Variants in PRKD1 observed in about 807,000 individuals in gnomAD.
The protein encoded by PRKD1 is protein kinase D1.
In PRKD1, 63 loss-of-function variants were observed where a neutral mutation model predicts 95.9. That is an observed-to-expected ratio of 0.66 (90% CI 0.54 to 0.81). The LOEUF is 0.81. Among genes scored for constraint, PRKD1 ranks in the 30% least tolerant of loss-of-function variants. The probability of loss-of-function intolerance (pLI) is 0.00; values close to 1 mark genes in which losing one functional copy is unlikely to be tolerated. For synonymous variants in PRKD1, 425 were observed against 423.1 expected (o/e 1.00, Z -0.05); for missense variants, 1,048 against 1,165.3 (o/e 0.90, Z 1.47).
intron 1 of PRKD1, among the ~76,000 whole-genome samples, chr14:29,842,736 A>T (rs908039386): frequency 1.3e-5 from 2 of 152,296 alleles, no homozygotes; most frequent in Non-Finnish European, 2.9e-5. Flanking sequence ...CAGTTGACAC[A>T]TGTTAGCCTC....
chr14:29,593,367 C>T (rs1228117659), intron 16 of PRKD1, among the ~76,000 whole-genome samples: 2 of 152,122 alleles, frequency 1.3e-5, no homozygotes, highest in Non-Finnish European at 2.9e-5. Flanking sequence ...TCTGTTAATG[C>T]TTTTGTGATT....
intron 1 of PRKD1, among the ~76,000 whole-genome samples, chr14:29,810,836 T>C (rs751525093): frequency 6.6e-5 from 10 of 152,232 alleles, no homozygotes; most frequent in Non-Finnish European, 8.8e-5. Flanking sequence ...CATTTGGAAC[T>C]GGTTATTGCC....
At chr14:29,877,378 T>C (rs1893339203) in intron 1 of PRKD1, among the ~76,000 whole-genome samples, 2 of 152,228 alleles carry the variant, frequency 1.3e-5, no homozygotes, top group Admixed American at 6.5e-5. Context: ...TCCTTACAGA[T>C]GCTGGATATT....
chr14:29,916,559 G>A (rs557759132), intron 1 of PRKD1, among the ~76,000 whole-genome samples: 1 of 152,286 alleles, frequency 6.6e-6, no homozygotes, highest in South Asian at 2.1e-4. Context: ...GTTTGGTCAA[G>A]TGGTCATAAC....
At chr14:29,870,803 TC>T in intron 1 of PRKD1, among the ~76,000 whole-genome samples, 1 of 152,204 alleles carries the variant, frequency 6.6e-6, no homozygotes, top group Non-Finnish European at 1.5e-5. Flanking sequence ...GACTCAGAGA[TC>T]ATGTTTATAT....
intron 16 of PRKD1, among the ~76,000 whole-genome samples, chr14:29,578,921 CTT>C (rs1892664234): frequency 6.6e-6 from 1 of 152,078 alleles, no homozygotes; most frequent in Non-Finnish European, 1.5e-5. Context: ...GAAGAAAACA[CTT>C]TAATTGCTTT....
chr14:29,856,004 C>T (rs916432441), intron 1 of PRKD1, among the ~76,000 whole-genome samples: 1 of 152,136 alleles, frequency 6.6e-6, no homozygotes, highest in African/African-American at 2.4e-5. Flanking sequence ...TGAAAATAGA[C>T]TAATATATGC....
intron 2 of PRKD1, among the ~76,000 whole-genome samples, chr14:29,719,826 G>T (rs1885798686): frequency 6.6e-6 from 1 of 152,096 alleles, no homozygotes; most frequent in South Asian, 2.1e-4. Context: ...CAGACAATTT[G>T]TTCCATGGTC....
At chr14:29,660,512 A>T (rs1882132329) in intron 4 of PRKD1, among the ~76,000 whole-genome samples, 1 of 152,108 alleles carries the variant, frequency 6.6e-6, no homozygotes, top group South Asian at 2.1e-4. Flanking sequence ...GTGCCTTCAA[A>T]TAGTGTTTTG....
chr14:29,808,836 C>A (rs1594537996), intron 1 of PRKD1, among the ~76,000 whole-genome samples: 1 of 152,168 alleles, frequency 6.6e-6, no homozygotes. Context: ...ACGGTTTTAA[C>A]CACCTCTGAT....
In PRKD1 at chr14:29,838,174, T is replaced by A. The variant is rs148287156; in HGVS notation, c.264+89075A>T. 9.5e-4 allele frequency among the ~76,000 whole-genome samples: 144 copies of A among 152,302 alleles called. 3 individuals carry two copies. The highest frequency in any genetic ancestry group is 3.3e-3 in the African/African-American group (138 of 41,566). Reference sequence around the variant, plus strand: ...TACCTTTAGATAGGTTTTAGGGGGATGAAATTTTTGGACCCCTAAATATGG... The same window carrying A: ...TACCTTTAGATAGGTTTTAGGGGGAAGAAATTTTTGGACCCCTAAATATGG... On this transcript the variant is annotated intron_variant, in intron 1 of 17. Coordinates refer to ENST00000331968, the MANE Select transcript of PRKD1 (RefSeq NM_002742.3).
At chr14:29,816,703 G>T (rs1890707384) in intron 1 of PRKD1, among the ~76,000 whole-genome samples, 2 of 152,090 alleles carry the variant, frequency 1.3e-5, no homozygotes, top group South Asian at 4.1e-4. Context: ...TGGTTTCAGG[G>T]TGTCTTTAGC....
chr14:29,665,269 C>T (rs904185348), intron 3 of PRKD1, among the ~76,000 whole-genome samples: 2 of 152,130 alleles, frequency 1.3e-5, no homozygotes, highest in Non-Finnish European at 2.9e-5. Context: ...ATGTGGTTTT[C>T]AGTACATGAA....
chr14:29,683,955 C>A (rs895520760), intron 2 of PRKD1, among the ~76,000 whole-genome samples: 1 of 152,084 alleles, frequency 6.6e-6, no homozygotes, highest in Admixed American at 6.5e-5. Flanking sequence ...GTATCTGAAC[C>A]CAATGGCCAT....
intron 1 of PRKD1, among the ~76,000 whole-genome samples, chr14:29,787,225 T>C (rs900339591): frequency 6.7e-6 from 1 of 150,146 alleles, no homozygotes; most frequent in Non-Finnish European, 1.5e-5. Flanking sequence ...GTTTTTTTTT[T>C]TTTTTTTTTT....
chr14:29,795,561 C>A (rs1035256844), intron 1 of PRKD1, among the ~76,000 whole-genome samples: 4 of 152,064 alleles, frequency 2.6e-5, no homozygotes, highest in African/African-American at 9.7e-5. Flanking sequence ...GATGAGTAAA[C>A]ATTTTGGTGA....
chr14:29,777,759 T>C (rs1179902865), intron 1 of PRKD1, among the ~76,000 whole-genome samples: 1 of 152,066 alleles, frequency 6.6e-6, no homozygotes, highest in Non-Finnish European at 1.5e-5. Context: ...ACCAAGGATA[T>C]ACAGGAATTG....
intron 2 of PRKD1, among the ~76,000 whole-genome samples, chr14:29,669,221 T>C (rs1426178514): frequency 1.3e-5 from 2 of 152,224 alleles, no homozygotes; most frequent in African/African-American, 2.4e-5. Flanking sequence ...TCTTTTAGTA[T>C]GCTTTTTGCA....
At chr14:29,736,515 T>C (rs1323774975) in intron 1 of PRKD1, among the ~76,000 whole-genome samples, 1 of 152,188 alleles carries the variant, frequency 6.6e-6, no homozygotes, top group African/African-American at 2.4e-5. Context: ...CTCATTAAAC[T>C]AAACAGGCTT....
Sources: allele counts gnomAD v4.1 joint callset (sites outside exome capture counted in the v4.1 genomes callset), GRCh38; gene constraint gnomAD v4.1.1; transcripts MANE v1.5; gene names NCBI Gene and HGNC (gene_info 2026-07-23, HGNC 2026-07-21).